Variants in LDLRAD4 observed in about 807,000 individuals in gnomAD.
LDLRAD4 encodes the protein low-density lipoprotein receptor class A domain-containing protein 4.
In LDLRAD4, 5 loss-of-function variants were observed where a neutral mutation model predicts 17.0. That is an observed-to-expected ratio of 0.29 (90% confidence interval 0.15 to 0.62). The LOEUF is 0.62. LDLRAD4 is among the 20% of genes least tolerant of loss of function. The probability of loss-of-function intolerance (pLI) is 0.84; values close to 1 mark genes in which losing one functional copy is unlikely to be tolerated. For missense variants in LDLRAD4, 340 were observed against 424.7 expected, an observed-to-expected ratio of 0.80 and a Z score of 1.75; for synonymous variants, 168 against 171.8, an observed-to-expected ratio of 0.98 and a Z score of 0.17.
rs534523248 is a variant in LDLRAD4, at chr18:13,300,960, C to A, written c.-383+22772C>A. Among the ~76,000 whole-genome samples, 1 of 152,238 alleles carries A rather than the reference C, an allele frequency of 6.6e-6. No homozygotes were observed. On this transcript the variant is annotated intron_variant, in intron 1 of 5. Transcript: ENST00000359446. This position sits in a 1 kb window ranked among gnomAD's most constrained non-coding sequence, Gnocchi z 4.2. ...GCTGATCTTCCAGTGCCCGAGTCCC[C>A]GCTGTGAGCGCCCTGAGGAGCATGT...
chr18:13,312,742 T>TA (rs1406383176), intron 1 of LDLRAD4, among the ~76,000 whole-genome samples: 2 of 151,622 alleles, frequency 1.3e-5, no homozygotes, highest in Admixed American at 6.6e-5. Flanking sequence ...ATCCTGTCTA[T>TA]AAAAAAAAGG....
intron 4 of LDLRAD4, among the ~76,000 whole-genome samples, chr18:13,624,356 C>T (rs898469696): frequency 2.0e-5 from 3 of 152,208 alleles, no homozygotes; most frequent in African/African-American, 7.2e-5. Flanking sequence ...ACAGTTTCCC[C>T]AGTGACTCCT....
chr18:13,321,809 C>G (rs1423369226), intron 1 of LDLRAD4, among the ~76,000 whole-genome samples: 1 of 126,932 alleles, frequency 7.9e-6, no homozygotes, highest in East Asian at 2.7e-4. Context: ...TGCAGTGAGC[C>G]GAGATCGCGC....
chr18:13,555,875 G>A (rs113120652), intron 3 of LDLRAD4, among the ~76,000 whole-genome samples: 6,622 of 46,744 alleles, frequency 0.14, 275 homozygotes, highest in African/African-American at 0.27. Context: ...CTAAGAAGGC[G>A]GGAAAGCAGT....
chr18:13,321,950 T>G (rs1178479664), intron 1 of LDLRAD4, among the ~76,000 whole-genome samples: 1 of 148,194 alleles, frequency 6.7e-6, no homozygotes, highest in Non-Finnish European at 1.5e-5. Flanking sequence ...TAAAAATCTT[T>G]ATTTGTGCAG....
chr18:13,592,317 C>T (rs1568380511), intron 3 of LDLRAD4, among the ~76,000 whole-genome samples: 1 of 152,200 alleles, frequency 6.6e-6, no homozygotes, highest in Non-Finnish European at 1.5e-5. Flanking sequence ...TCTCACAATA[C>T]CTATCTTTAC....
chr18:13,365,894 C>A (rs1246998612), intron 1 of LDLRAD4, among the ~76,000 whole-genome samples: 1 of 152,078 alleles, frequency 6.6e-6, no homozygotes, highest in South Asian at 2.1e-4. Context: ...CTGCCTCAGC[C>A]TCCTGAGTAG....
intron 3 of LDLRAD4, chr18:13,461,136 C>G (rs2092409503): frequency 6.6e-6 from 1 of 152,444 alleles, no homozygotes; most frequent in South Asian, 2.1e-4. Flanking sequence ...CTTGTCTCCC[C>G]AGCGCCTGCT....
At chr18:13,507,038 CAGT>C (rs2093704984) in intron 3 of LDLRAD4, among the ~76,000 whole-genome samples, 1 of 152,218 alleles carries the variant, frequency 6.6e-6, no homozygotes, top group South Asian at 2.1e-4. Context: ...GCCATCTTCT[CAGT>C]AGCATGGGTG....
At chr18:13,230,343 G>C (rs1275260542) in intron 1 of LDLRAD4, among the ~76,000 whole-genome samples, 1 of 152,218 alleles carries the variant, frequency 6.6e-6, no homozygotes, top group Non-Finnish European at 1.5e-5. Context: ...CTCGGGCTGA[G>C]ACTTAGCAAA....
rs541024520 is a variant in LDLRAD4 at position 13,282,842 on chromosome 18, C to T, written c.-383+4654C>T. On this transcript the variant is annotated intron_variant, in intron 1 of 5. Transcript: ENST00000359446. ...TAGCAGAGGTTCTCCATGAGGGCCC[C>T]GCCCCTGCAGCAAACTTTTGCCTGG... Among the ~76,000 whole-genome samples, 12 of 152,344 alleles carry T rather than the reference C, an allele frequency of 7.9e-5. No individual in the cohort carries two copies. The East Asian group carries it at 1.2e-3, about 15-fold the overall frequency.
chr18:13,623,638 G>T (rs901512067), intron 4 of LDLRAD4, among the ~76,000 whole-genome samples: 1 of 152,218 alleles, frequency 6.6e-6, no homozygotes, highest in South Asian at 2.1e-4. Context: ...TCCACTTCCC[G>T]ATCTGGTGTA....
chr18:13,567,176 A>G (rs758583095), intron 3 of LDLRAD4, among the ~76,000 whole-genome samples: 1 of 152,182 alleles, frequency 6.6e-6, no homozygotes, highest in African/African-American at 2.4e-5. Context: ...CAGCTTCACT[A>G]GTTTAACTAT....
chr18:13,240,049 A>G (rs2042550354), intron 1 of LDLRAD4: 1 of 152,230 alleles, frequency 6.6e-6, no homozygotes, highest in Non-Finnish European at 1.5e-5. Context: ...AAGTGTATAC[A>G]TATTTATTTA....
chr18:13,449,213 A>C (rs575231300), intron 3 of LDLRAD4, among the ~76,000 whole-genome samples: 28 of 152,324 alleles, frequency 1.8e-4, no homozygotes, highest in African/African-American at 6.5e-4. Context: ...GCTCCTAGAA[A>C]AATTGCCGTG....
At chr18:13,370,713 G>GTTTTTTTTTTTTT (rs781268070) in intron 1 of LDLRAD4, among the ~76,000 whole-genome samples, 1 of 17,202 alleles carries the variant, frequency 5.8e-5, no homozygotes. Context: ...TTTTTGTTTT[G>GTTTTTTTTTTTTT]TTTTTTTTTT....
At chr18:13,443,384 A>G (rs1011225007) in intron 3 of LDLRAD4, among the ~76,000 whole-genome samples, 1 of 152,160 alleles carries the variant, frequency 6.6e-6, no homozygotes, top group Admixed American at 6.5e-5. Flanking sequence ...GCTCATAACC[A>G]CATAGCCACA....
rs2146480866 is a variant in LDLRAD4 at position 13,295,490 on chromosome 18, G to A, written c.-383+17302G>A. Among the ~76,000 whole-genome samples, 4 of 152,328 alleles carry A rather than the reference G, an allele frequency of 2.6e-5. 1 individual carries two copies. The South Asian group carries it at 8.3e-4, about 32-fold the overall frequency. On this transcript the variant is annotated intron_variant, in intron 1 of 5. Transcript: ENST00000359446. ...CTGCAAAGTCAGCTGCATCGTGCATGTCACCTGGACTTACTAATAACATCA... is the reference window on the plus strand; with the variant it reads ...CTGCAAAGTCAGCTGCATCGTGCATATCACCTGGACTTACTAATAACATCA...
Position 13,257,113 on chromosome 18 carries a change from G to A in LDLRAD4, c.-466-20992G>A, listed in dbSNP as rs559232615. 6.6e-5 allele frequency among the ~76,000 whole-genome samples: 10 copies of A among 152,352 alleles called. No individual in the cohort carries two copies. In the East Asian group the frequency reaches 1.7e-3, roughly 26 times the overall value. On this transcript the variant is annotated intron_variant, in intron 1 of 5. Coordinates refer to the LDLRAD4 transcript ENST00000399848. ...TTTCCAGTTAAAACGTTTCTGCCAT[G>A]GAGTCATGCCGCGCTGGAGGGTCCG...
Sources: allele counts gnomAD v4.1 joint callset (sites outside exome capture counted in the v4.1 genomes callset), GRCh38; gene constraint gnomAD v4.1.1; non-coding constraint Gnocchi (gnomAD v3.1); transcripts MANE v1.5; gene names NCBI Gene and HGNC (gene_info 2026-07-23, HGNC 2026-07-21).